Variants in CTCF observed in about 807,000 individuals in gnomAD.
CTCF encodes the protein transcriptional repressor CTCF.
In CTCF, 7 loss-of-function variants were observed where a neutral mutation model predicts 72.3. The observed-to-expected ratio is 0.10, with a 90% CI of 0.06 to 0.18. The LOEUF (loss-of-function observed/expected upper bound fraction) is 0.18, where lower values mean the gene tolerates loss of function less well. Ranked by LOEUF, CTCF falls within the 10% of genes least tolerant of loss-of-function variation. The probability of loss-of-function intolerance (pLI) is 1.00; values close to 1 mark genes in which losing one functional copy is unlikely to be tolerated. For missense variants in CTCF, 516 were observed against 949.1 expected (o/e 0.54, Z 6.00); for synonymous variants, 374 against 315.8 (o/e 1.18, Z -1.95).
At position 67,624,071 on chromosome 16, in the gene CTCF, ATGTGTGTGTGTGTGTG is replaced by A. The variant is rs58387336; in HGVS notation, c.1358-2454_1358-2439del. ...TCAAAAAAAAAAAAAAAAATTATAT[ATGTGTGTGTGTGTGTG>A]TGTGTGTGTGTGTGTGTGTGTGTGT... is the stretch of plus-strand genomic sequence containing the variant. On this transcript the variant is annotated intron_variant, in intron 7 of 11. Transcript: ENST00000264010. Among the ~76,000 whole-genome samples, 549 of 117,580 alleles carry A rather than the reference ATGTGTGTGTGTGTGTG, an allele frequency of 4.7e-3. 3 individuals carry two copies. The highest frequency in any genetic ancestry group is 0.017 in the South Asian group (59 of 3,432). 77.1% of individuals were successfully genotyped at this position (117,580 alleles called of 152,430 possible).
intron 10 of CTCF, among the ~76,000 whole-genome samples, chr16:67,630,959 GT>G (rs2052354244): frequency 6.6e-6 from 1 of 152,098 alleles, no homozygotes; most frequent in Non-Finnish European, 1.5e-5. Flanking sequence ...AGAGAGTTTG[GT>G]TTTAGGAAAT....
chr16:67,595,963 C>CT (rs200834446), intron 2 of CTCF, among the ~76,000 whole-genome samples: 2,715 of 150,110 alleles, frequency 0.018, 86 homozygotes, highest in African/African-American at 0.062. Context: ...TCTTTCTTTT[C>CT]TTTTTTTTTG....
At position 67,637,805 on chromosome 16, in the gene CTCF, C is replaced by A. The variant is rs1167223790; in HGVS notation, c.2117C>A (p.Pro706Gln). Reference sequence around the variant, plus strand: ...GAGGGAGAGGAAGAGGAGGCCCAGCCAGCTGCCACAGATGCCCCCAACGGA... The same window carrying A: ...GAGGGAGAGGAAGAGGAGGCCCAGCAAGCTGCCACAGATGCCCCCAACGGA... Reference protein sequence around the residue: ...PAEGEEEEAQPAATDAPNGDL... With the variant: ...PAEGEEEEAQQAATDAPNGDL... Residue 706 changes from proline to glutamine, a missense_variant, in exon 12 of 12, where the codon CCA (proline) becomes CAA (glutamine). Around this residue, in one of 7 missense-constraint regions of CTCF, gnomAD observed 157 missense variants for 172.9 expected, o/e 0.91. Coordinates refer to ENST00000264010, the MANE Select transcript of CTCF (RefSeq NM_006565.4). 1 of 1,612,814 alleles carries A rather than the reference C, an allele frequency of 6.2e-7. No individual in the cohort carries two copies. The highest frequency in any genetic ancestry group is 1.3e-5 in the African/African-American group (1 of 74,882).
At chr16:67,624,367 C>T (rs771935258) in intron 7 of CTCF, among the ~76,000 whole-genome samples, 7 of 151,830 alleles carry the variant, frequency 4.6e-5, no homozygotes, top group Admixed American at 2.0e-4. Flanking sequence ...TGACCCCACT[C>T]TCTGAATGTA....
At chr16:67,616,555 T>C in intron 4 of CTCF, 190 bp from the exon 5 acceptor site, 2 of 620,220 alleles carry the variant, frequency 3.2e-6, no homozygotes, top group Admixed American at 5.6e-5. Flanking sequence ...TATAATATCC[T>C]GGTGTTAGTA....
chr16:67,567,915 T>TTTTTA (rs869253544), intron 1 of CTCF: 5 of 121,150 alleles, frequency 4.1e-5, no homozygotes, highest in African/African-American at 1.7e-4. Flanking sequence ...TTTTTTTTTT[T>TTTTTA]GAGACAGGTT....
At chr16:67,610,701 T>C (rs888066720) in intron 2 of CTCF, 123 bp from the exon 3 acceptor site, 1 of 669,372 alleles carries the variant, frequency 1.5e-6, no homozygotes, top group Non-Finnish European at 2.3e-6. Flanking sequence ...GTTGTGTCTT[T>C]TTTAATATTA....
chr16:67,622,904 T>C (rs1159814497), intron 7 of CTCF, among the ~76,000 whole-genome samples: 1 of 150,040 alleles, frequency 6.7e-6, no homozygotes, highest in Non-Finnish European at 1.5e-5. Context: ...TCAGGTGATC[T>C]GCCTACCTCG....
chr16:67,606,813 C>G (rs993373846), intron 2 of CTCF, among the ~76,000 whole-genome samples: 1 of 145,372 alleles, frequency 6.9e-6, no homozygotes, highest in Admixed American at 7.0e-5. Flanking sequence ...AGGCTCCAGG[C>G]TGGAGTGCAG....
chr16:67,616,748 C>T lies in CTCF; in HGVS notation c.956C>T (p.Thr319Ile). 6.2e-7 allele frequency: 1 copy of T among 1,614,130 alleles called. No homozygotes were observed. The highest frequency in any genetic ancestry group is 8.5e-7 in the Non-Finnish European group (1 of 1,179,996). The change falls in exon 5 of 12, where the codon ACT becomes ATT. Residue 319 changes from threonine to isoleucine, a missense_variant. Coordinates refer to ENST00000264010, the MANE Select transcript of CTCF (RefSeq NM_006565.4). The stretch of plus-strand genomic sequence containing the variant: ...TGTTACTCCATCCTTTCTCTAGGTA[C>T]TCGTCCTCACAAGTGCCCAGACTGC... ...LRNHLNTHTG[T>I]RPHKCPDCDM...
intron 11 of CTCF, among the ~76,000 whole-genome samples, chr16:67,637,135 CAA>C (rs1200948446): frequency 1.3e-5 from 2 of 152,124 alleles, no homozygotes; most frequent in African/African-American, 2.4e-5. Context: ...GAAAAACAAC[CAA>C]AGTCACAGTC....
rs186978756 is a variant in CTCF at position 67,576,324 on chromosome 16, G to A, written c.-10+5060G>A. Among the ~76,000 whole-genome samples, 381 of 152,014 alleles carry A rather than the reference G, an allele frequency of 2.5e-3. 2 individuals are homozygous for A. Among genetic ancestry groups the A allele is most frequent in the African/African-American group, 8.8e-3 (364 of 41,486 alleles). ...ATTATTTGGATGAATGAATGCCTAG[G>A]GAAAAAAGACTAAACAGACGTGGAA... is the stretch of plus-strand genomic sequence containing the variant. On this transcript the variant is annotated intron_variant, in intron 2 of 11. Transcript: ENST00000264010.
chr16:67,581,873 C>T (rs2051587354), intron 2 of CTCF, among the ~76,000 whole-genome samples: 1 of 152,176 alleles, frequency 6.6e-6, no homozygotes, highest in African/African-American at 2.4e-5. Flanking sequence ...CCACCTGCCT[C>T]AGCGTCCGAA....
At chr16:67,626,358 C>T (rs565938670) in intron 7 of CTCF, among the ~76,000 whole-genome samples, 197 bp from the exon 8 acceptor site, 9 of 145,282 alleles carry the variant, frequency 6.2e-5, no homozygotes, top group Non-Finnish European at 8.9e-5. Flanking sequence ...GAGGCTGAGG[C>T]GGGAGAATGG....
At chr16:67,609,033 G>A (rs921493785) in intron 2 of CTCF, among the ~76,000 whole-genome samples, 2 of 152,034 alleles carry the variant, frequency 1.3e-5, no homozygotes, top group Non-Finnish European at 2.9e-5. Context: ...GAGCCACCAC[G>A]TGCTTAATAA....
intron 2 of CTCF, among the ~76,000 whole-genome samples, chr16:67,589,934 A>C (rs768999861): frequency 5.9e-5 from 9 of 152,070 alleles, no homozygotes; most frequent in Non-Finnish European, 1.2e-4. Flanking sequence ...TAAAAATACA[A>C]AAATTAGCCT....
chr16:67,574,464 C>G (rs924970606), intron 2 of CTCF, among the ~76,000 whole-genome samples: 4 of 151,874 alleles, frequency 2.6e-5, no homozygotes, highest in African/African-American at 9.7e-5. Context: ...GCCTCAGTCT[C>G]CCGAGTAGCT....
chr16:67,593,024 T>TG (rs1417957437), intron 2 of CTCF, among the ~76,000 whole-genome samples: 3 of 146,860 alleles, frequency 2.0e-5, no homozygotes, highest in African/African-American at 7.6e-5. Context: ...AAACTCCATC[T>TG]GGAAAAAAAA....
chr16:67,636,846 AC>A lies in CTCF; in HGVS notation c.1996del (p.Gln666SerfsTer20). On this transcript the variant is annotated frameshift_variant, in exon 11 of 12. Transcript: ENST00000264010. LOFTEE classifies it high-confidence loss of function. ...GGCAGAACCAACCAGCCCAAACAGA[AC>A]CAGCGTAAGTTGTTCATCTCTGCTC... ...PPGRTNQPKQ[N>X]QPTAIIQVED... is the part of the protein sequence containing the mutation. 6.3e-7 allele frequency: 1 copy of A among 1,584,142 alleles called. No homozygotes were observed. Among genetic ancestry groups the A allele is most frequent in the East Asian group, 2.3e-5 (1 of 43,106 alleles).
Sources: allele counts gnomAD v4.1 joint callset (sites outside exome capture counted in the v4.1 genomes callset), GRCh38; gene constraint gnomAD v4.1.1; regional missense constraint gnomAD v4.1.1; transcripts MANE v1.5; gene names NCBI Gene and HGNC (gene_info 2026-07-23, HGNC 2026-07-21).